Variants in SLIT3 observed in about 807,000 individuals in gnomAD.
SLIT3 encodes slit homolog 3 protein.
Under a neutral mutation model 184.0 loss-of-function variants are expected in SLIT3, and 68 were observed. The observed-to-expected ratio is 0.37, with a 90% CI of 0.30 to 0.45. The LOEUF (loss-of-function observed/expected upper bound fraction) is 0.45. Ranked by LOEUF, SLIT3 falls within the 20% of genes least tolerant of loss-of-function variation. The pLI, the probability that SLIT3 is intolerant of heterozygous loss-of-function variation, is 1.00. For synonymous variants in SLIT3, 831 were observed against 828.6 expected, an observed-to-expected ratio of 1.00 and a Z score of -0.05; for missense variants, 1,707 against 2,026.0, an observed-to-expected ratio of 0.84 and a Z score of 3.02.
intron 4 of SLIT3, among the ~76,000 whole-genome samples, chr5:168,987,160 A>G (rs1581270945): frequency 6.6e-6 from 1 of 152,288 alleles, no homozygotes; most frequent in East Asian, 1.9e-4. Context: ...TTCAACAGCT[A>G]CTTCAAATCC....
chr5:168,687,107 A>G lies in SLIT3; in HGVS notation c.3186T>C (p.Cys1062=), dbSNP rs777670041. The G allele has an allele frequency of 3.7e-6, 6 of 1,613,740 alleles. No homozygotes were observed. Among genetic ancestry groups the G allele is most frequent in the Non-Finnish European group, 5.1e-6 (6 of 1,179,704 alleles). The change falls in exon 30 of 36, where the codon TGT becomes TGC. Residue 1062 remains cysteine (C), a synonymous_variant. Transcript: ENST00000519560. ...AGAGCTTCCCGCTGTAGCCAGGGAC[A>G]CACTCGCAGCTGGAACATAGGCAGA... ...IPLDKGFSCE[C]VPGYSGKLCE...
At chr5:168,931,787 C>T (rs941904709) in intron 4 of SLIT3, among the ~76,000 whole-genome samples, 3 of 152,188 alleles carry the variant, frequency 2.0e-5, no homozygotes, top group East Asian at 1.9e-4. Context: ...CTAGCACACA[C>T]CACTGCACAG....
At chr5:169,104,396 C>T (rs1201812743) in intron 4 of SLIT3, among the ~76,000 whole-genome samples, 1 of 152,198 alleles carries the variant, frequency 6.6e-6, no homozygotes, top group Non-Finnish European at 1.5e-5. Flanking sequence ...CCAATTTCCT[C>T]TTGTATATTT....
At chr5:168,826,406 C>A (rs1215071956) in intron 6 of SLIT3, among the ~76,000 whole-genome samples, 1 of 152,184 alleles carries the variant, frequency 6.6e-6, no homozygotes, top group Non-Finnish European at 1.5e-5. Context: ...CCAGTCTTGG[C>A]AGCTTTTGCC....
intron 8 of SLIT3, among the ~76,000 whole-genome samples, chr5:168,815,759 T>A (rs1178033450): frequency 6.6e-6 from 1 of 152,118 alleles, no homozygotes; most frequent in Non-Finnish European, 1.5e-5. Context: ...ATATCGCAAG[T>A]GTGATCTAAG....
intron 4 of SLIT3, among the ~76,000 whole-genome samples, chr5:169,161,050 T>C (rs1034254703): frequency 6.6e-6 from 1 of 152,240 alleles, no homozygotes; most frequent in African/African-American, 2.4e-5. Context: ...CGGATTTTTC[T>C]AGCTTCTCTC....
At chr5:168,835,343 C>T (rs933057290) in intron 6 of SLIT3, among the ~76,000 whole-genome samples, 14 of 152,054 alleles carry the variant, frequency 9.2e-5, no homozygotes, top group South Asian at 6.2e-4. Flanking sequence ...TGGAGTCCTC[C>T]GATTTAGTTA....
rs1581169916 is a variant in SLIT3 at position 168,878,362 on chromosome 5, G to A, written c.485+4903C>T. On this transcript the variant is annotated intron_variant, in intron 5 of 35. Transcript: ENST00000519560. ...CAGGCGTCCAGTCCCTTCACTGAGA[G>A]CATCATGCTTGTGGCTCCTCAGGTC... 2.0e-5 allele frequency among the ~76,000 whole-genome samples: 3 copies of A among 152,348 alleles called. No homozygotes were observed. In the South Asian group the frequency reaches 6.2e-4, roughly 32 times the overall value.
chr5:169,068,913 T>C (rs1758448219), intron 4 of SLIT3, among the ~76,000 whole-genome samples: 1 of 152,128 alleles, frequency 6.6e-6, no homozygotes, highest in African/African-American at 2.4e-5. Context: ...AGTGGTGACT[T>C]AGTGGCAATT....
At chr5:168,734,873 C>T (rs1461748281) in intron 20 of SLIT3, among the ~76,000 whole-genome samples, 3 of 152,194 alleles carry the variant, frequency 2.0e-5, no homozygotes, top group Admixed American at 1.3e-4. Flanking sequence ...GGGAGAGCTG[C>T]GTTTGGCATG....
chr5:168,941,042 CTT>C (rs1020015466), intron 4 of SLIT3, among the ~76,000 whole-genome samples: 32 of 152,228 alleles, frequency 2.1e-4, no homozygotes, highest in Admixed American at 1.3e-4. Flanking sequence ...TCAATTTTAA[CTT>C]TTGAAACCTT....
intron 32 of SLIT3, among the ~76,000 whole-genome samples, chr5:168,680,650 G>A (rs1761557959): frequency 6.6e-6 from 1 of 151,954 alleles, no homozygotes; most frequent in East Asian, 1.9e-4. Context: ...TTTTGTGGTT[G>A]GACTGGCCTC....
intron 3 of SLIT3, among the ~76,000 whole-genome samples, chr5:169,241,880 T>TCCTTTC (rs1765416040): frequency 6.6e-6 from 1 of 152,136 alleles, no homozygotes; most frequent in African/African-American, 2.4e-5. Flanking sequence ...AGGACAGACT[T>TCCTTTC]CCTTTCCCTT....
At chr5:168,860,082 A>G (rs1453348113) in intron 5 of SLIT3, among the ~76,000 whole-genome samples, 2 of 152,174 alleles carry the variant, frequency 1.3e-5, no homozygotes, top group African/African-American at 4.8e-5. Context: ...AGGAGATTCC[A>G]GCCCTCTGGG....
chr5:169,185,853 G>A (rs911760320), intron 4 of SLIT3, among the ~76,000 whole-genome samples: 10 of 152,188 alleles, frequency 6.6e-5, no homozygotes, highest in Admixed American at 1.3e-4. Context: ...CAGGAATCAC[G>A]GTTAGGAATG....
chr5:169,224,962 G>A (rs1483384987), intron 3 of SLIT3, among the ~76,000 whole-genome samples: 2 of 152,276 alleles, frequency 1.3e-5, no homozygotes, highest in African/African-American at 2.4e-5. Flanking sequence ...GGGATTGCAG[G>A]AATGAGCCCC....
intron 4 of SLIT3, among the ~76,000 whole-genome samples, chr5:169,133,199 T>C (rs1031696581): frequency 1.3e-5 from 2 of 152,198 alleles, no homozygotes; most frequent in East Asian, 1.9e-4. Context: ...TCTTTCTCCA[T>C]TCCCTTTCCC....
chr5:169,178,997 C>A (rs537978843), intron 4 of SLIT3, among the ~76,000 whole-genome samples: 174 of 152,122 alleles, frequency 1.1e-3, no homozygotes, highest in African/African-American at 4.0e-3. Context: ...GGTAGGGGTG[C>A]GGGGGCAGGA....
intron 32 of SLIT3, among the ~76,000 whole-genome samples, chr5:168,675,404 T>C (rs1163749222): frequency 6.6e-6 from 1 of 152,182 alleles, no homozygotes; most frequent in African/African-American, 2.4e-5. Context: ...AATTGGGGTA[T>C]ACTGAAGAAA....
Sources: gnomAD v4.1 joint callset for allele counts (sites outside exome capture counted in the v4.1 genomes callset) on GRCh38, gnomAD v4.1.1 for gene constraint, MANE v1.5 for transcripts, NCBI Gene and HGNC (gene_info 2026-07-23, HGNC 2026-07-21) for gene names.